Variants in SCYL3 observed in about 807,000 individuals in gnomAD.
SCYL3 encodes the protein SCY1 like pseudokinase 3, also known as protein-associating with the carboxyl-terminal domain of ezrin.
In SCYL3, 35 loss-of-function variants were observed where a neutral mutation model predicts 73.8. The ratio of observed to expected loss-of-function variants is 0.47; its 90% CI spans 0.36 to 0.63. SCYL3 has a LOEUF of 0.63. Among genes scored for constraint, SCYL3 ranks in the 20% least tolerant of loss-of-function variants. The probability of loss-of-function intolerance (pLI) is 0.00; values close to 1 mark genes in which losing one functional copy is unlikely to be tolerated. For synonymous variants in SCYL3, 277 were observed against 295.2 expected (o/e 0.94, Z 0.63); for missense variants, 712 against 798.9 (o/e 0.89, Z 1.31).
At chr1:169,869,678 C>T (rs1660261074) in intron 6 of SCYL3, among the ~76,000 whole-genome samples, 1 of 152,146 alleles carries the variant, frequency 6.6e-6, no homozygotes, top group Non-Finnish European at 1.5e-5. Context: ...AATTAAAGTC[C>T]TAAAGTGGGC....
chr1:169,854,355 A>C lies in SCYL3; in HGVS notation c.1922T>G (p.Leu641Arg), dbSNP rs750152645. ...CTTTTTTGGGACCATTTCTGTCCTCAGTTCAGGTAATATAAGAAAAGCAGC... is the reference window on the plus strand; with the variant it reads ...CTTTTTTGGGACCATTTCTGTCCTCCGTTCAGGTAATATAAGAAAAGCAGC... ...PSAAFLILPE[L>R]RTEMVPKKDD... Residue 641 changes from leucine (L) to arginine (R), a missense_variant, in exon 12 of 13, where the codon CTG becomes CGG. Coordinates refer to ENST00000367771, the MANE Select transcript of SCYL3 (RefSeq NM_020423.7). 3 of 1,613,996 alleles carry C rather than the reference A, an allele frequency of 1.9e-6. No homozygotes were observed. In the Admixed American group the frequency reaches 5.0e-5, roughly 27 times the overall value.
Position 169,854,428 on chromosome 1 carries a change from G to C in SCYL3, c.1849C>G (p.Pro617Ala). The C allele has an allele frequency of 6.2e-7, 1 of 1,614,038 alleles. No individual in the cohort carries two copies. Among genetic ancestry groups the C allele is most frequent in the Non-Finnish European group, 8.5e-7 (1 of 1,179,954 alleles). The change falls in exon 12 of 13, where the codon CCT (proline) becomes GCT (alanine). Residue 617 changes from proline to alanine, a missense_variant. Coordinates refer to ENST00000367771, the MANE Select transcript of SCYL3 (RefSeq NM_020423.7). Reference protein sequence around the residue: ...IQVKKKPVKDPEMDWFADMIP... With the variant: ...IQVKKKPVKDAEMDWFADMIP... ...ATATCAGCAAACCAATCCATCTCAG[G>C]ATCTTTTACTGGCTTCTTTTTTACT...
intron 3 of SCYL3, among the ~76,000 whole-genome samples, chr1:169,876,968 A>T (rs976932522): frequency 6.8e-6 from 1 of 146,834 alleles, no homozygotes; most frequent in Non-Finnish European, 1.5e-5. Flanking sequence ...TAAAAAAAAA[A>T]AAAAAAAAAA....
At chr1:169,889,662 T>C (rs993333024) in intron 1 of SCYL3, among the ~76,000 whole-genome samples, 4 of 152,188 alleles carry the variant, frequency 2.6e-5, no homozygotes, top group Non-Finnish European at 4.4e-5. Flanking sequence ...AGTGCTCACC[T>C]AGTGAAGGGG....
intron 2 of SCYL3, among the ~76,000 whole-genome samples, chr1:169,885,340 C>T (rs577376028): frequency 5.3e-5 from 8 of 152,332 alleles, no homozygotes; most frequent in Middle Eastern, 3.4e-3. Flanking sequence ...TTCATTCAAG[C>T]CTCAGAGGCT....
chr1:169,849,976 C>A lies in SCYL3; in HGVS notation c.*3737G>T. 1 of 479,114 alleles carries A rather than the reference C, an allele frequency of 2.1e-6. No homozygotes were observed. Among genetic ancestry groups the A allele is most frequent in the African/African-American group, 1.9e-5 (1 of 51,922 alleles). 29.7% of individuals were successfully genotyped at this position (479,114 alleles called of 1,614,324 possible). ...CCTAAACCTGTAAGATGGGTTGCTC[C>A]TTTACTCTTACTGCATTTGCTGTAT... is the stretch of plus-strand genomic sequence containing the variant. On this transcript the variant is annotated 3_prime_UTR_variant, in exon 13 of 13. Transcript: ENST00000367771.
intron 1 of SCYL3, 126 bp from the exon 2 acceptor site, chr1:169,889,016 T>C (rs997171337): frequency 4.2e-6 from 2 of 477,768 alleles, no homozygotes; most frequent in Non-Finnish European, 7.1e-6. Context: ...CATTTGACAG[T>C]AAAAATGGTA....
In SCYL3 at chr1:169,853,701, T is replaced by G; in HGVS notation, c.*12A>C. ...GGAATCCTTTTTCCTAAAGTTTAAC[T>G]CACATCTATTGTCACCAGTTATTAT... On this transcript the variant is annotated 3_prime_UTR_variant, in exon 13 of 13. Transcript: ENST00000367771. 6.8e-6 allele frequency: 11 copies of G among 1,612,408 alleles called. No individual in the cohort carries two copies. The highest frequency in any genetic ancestry group is 9.3e-6 in the Non-Finnish European group (11 of 1,179,252).
rs1660597757 is a variant in SCYL3 at position 169,873,757 on chromosome 1, A to G, written c.466-5T>C. ...TGACTGAATACTCCTCAGAAACTAG[A>G]CAGAGAAATAAATTAAAGAAAATGA... On this transcript the variant is annotated splice_region_variant and splice_polypyrimidine_tract_variant and intron_variant, in intron 4 of 12. Transcript: ENST00000367771. 6.3e-7 allele frequency: 1 copy of G among 1,592,584 alleles called. No homozygotes were observed. Among genetic ancestry groups the G allele is most frequent in the Admixed American group, 1.7e-5 (1 of 59,426 alleles).
intron 10 of SCYL3, among the ~76,000 whole-genome samples, chr1:169,862,381 C>T (rs112231460): frequency 0.013 from 1,922 of 152,232 alleles, 46 homozygotes; most frequent in African/African-American, 0.043. Context: ...ATTTACCCTC[C>T]CAAAATTAAC....
At chr1:169,868,376 C>T (rs1290074731) in intron 7 of SCYL3, among the ~76,000 whole-genome samples, 1 of 152,138 alleles carries the variant, frequency 6.6e-6, no homozygotes, top group Admixed American at 6.6e-5. Context: ...ATGAAGGACA[C>T]ATAATTAAAA....
rs139138197 is a variant in SCYL3, at chr1:169,862,724, G to C, written c.1029C>G (p.Leu343=). Residue 343 remains leucine, a synonymous_variant, in exon 10 of 13, where the codon CTC becomes CTG. Transcript: ENST00000367771. ...LFQSRVIPVL[L]QLFEVHEEHV... is the part of the protein sequence containing the mutation. ...GCTCTTCATGAACTTCAAACAACTG[G>C]AGAAGCACGGGGATCACCCGTGACT... 5 of 1,614,064 alleles carry C rather than the reference G, an allele frequency of 3.1e-6. No homozygotes were observed. In the African/African-American group the frequency reaches 6.7e-5, roughly 22 times the overall value.
intron 3 of SCYL3, among the ~76,000 whole-genome samples, chr1:169,878,421 G>A (rs1029431871): frequency 1.3e-5 from 2 of 152,176 alleles, no homozygotes; most frequent in African/African-American, 4.8e-5. Context: ...TAACTGTCCA[G>A]GGACACAGAA....
Position 169,853,788 on chromosome 1 carries a change from G to A in SCYL3, c.2008-16C>T, listed in dbSNP as rs200742675. 1.6e-5 allele frequency: 26 copies of A among 1,613,342 alleles called. No homozygotes were observed. The Admixed American group carries it at 3.2e-4, about 20-fold the overall frequency. On this transcript the variant is annotated splice_polypyrimidine_tract_variant and intron_variant, in intron 12 of 12. Transcript: ENST00000367771. ...CAGCCTCTCCCTGCAACAAAATAAA[G>A]CACACCAAGAACCCACTGAAACAAA...
At position 169,888,736 on chromosome 1, in the gene SCYL3, T is replaced by C; in HGVS notation, c.105A>G (p.Lys35=). 6.2e-7 allele frequency: 1 copy of C among 1,614,054 alleles called. No homozygotes were observed. Among genetic ancestry groups the C allele is most frequent in the Non-Finnish European group, 8.5e-7 (1 of 1,179,972 alleles). Residue 35 remains lysine, a synonymous_variant, in exon 2 of 13, where the codon AAA becomes AAG. Transcript: ENST00000367771. ...TCTTATACACAAAAACTGAAGCAAA[T>C]TTGCCATCTTGCAGTACAGCGGGAT... ...AVYPAVLQDG[K]FASVFVYKRE... is the part of the protein sequence containing the mutation.
rs3062290 is a variant in SCYL3, at chr1:169,864,969, CAAA to C, written c.816-464_816-462del. Among the ~76,000 whole-genome samples the C allele has an allele frequency of 6.6e-3, 872 of 132,654 alleles. 7 individuals are homozygous for C. The highest frequency in any genetic ancestry group is 0.02 in the African/African-American group (697 of 35,666). The allele number at this position is 132,654 out of a possible 152,430, so 87.0% of individuals were successfully genotyped here. On this transcript the variant is annotated intron_variant, in intron 8 of 12. Coordinates refer to ENST00000367771, the MANE Select transcript of SCYL3 (RefSeq NM_020423.7). ...TGGGTGACAGGGTGAGATTCTGTCT[CAAA>C]AAAAAAAAAAAAAATACAGAAAGTG...
chr1:169,854,912 T>A lies in SCYL3; in HGVS notation c.1365A>T (p.Val455=), dbSNP rs768519206. ...TTTCACTGTCCTCCGAAGTATTTTT[T>A]ACATCTGAGAGTCCATTTATGGGAA... The part of the protein sequence containing the change: ...IKFPINGLSD[V]KNTSEDSENF... The change falls in exon 12 of 13, where the codon GTA becomes GTT. Residue 455 remains valine, a synonymous_variant. Coordinates refer to ENST00000367771, the MANE Select transcript of SCYL3 (RefSeq NM_020423.7). The A allele has an allele frequency of 1.9e-6, 3 of 1,613,364 alleles. No homozygotes were observed. The highest frequency in any genetic ancestry group is 2.5e-6 in the Non-Finnish European group (3 of 1,179,690).
At chr1:169,859,879 C>T (rs1403249937) in intron 10 of SCYL3, 3 of 152,206 alleles carry the variant, frequency 2.0e-5, no homozygotes, top group Non-Finnish European at 4.4e-5. Context: ...CTAAATTCAG[C>T]ATCAATATAG....
chr1:169,875,960 G>T lies in SCYL3; in HGVS notation c.465+18C>A. The T allele has an allele frequency of 6.5e-7, 1 of 1,530,702 alleles. No homozygotes were observed. Among genetic ancestry groups the T allele is most frequent in the Non-Finnish European group, 9.0e-7 (1 of 1,116,106 alleles). The allele number at this position is 1,530,702 out of a possible 1,614,324, so 94.8% of individuals were successfully genotyped here. ...TATTAAAAACCAAGTAAGGAAGGGG[G>T]GCTGTCCCCTGGCTTACCTCTGGTG... On this transcript the variant is annotated intron_variant, in intron 4 of 12. Coordinates refer to ENST00000367771, the MANE Select transcript of SCYL3 (RefSeq NM_020423.7).
Sources: allele counts gnomAD v4.1 joint callset (sites outside exome capture counted in the v4.1 genomes callset), GRCh38; gene constraint gnomAD v4.1.1; transcripts MANE v1.5; gene names NCBI Gene and HGNC (gene_info 2026-07-23, HGNC 2026-07-21).